TGFBR3: variants seen among roughly 807,000 people sequenced by gnomAD.
The protein encoded by TGFBR3 is transforming growth factor beta receptor type 3.
TGFBR3 carries 46 observed loss-of-function variants against 87.9 expected under a neutral mutation model. The ratio of observed to expected loss-of-function variants is 0.52; its 90% CI spans 0.41 to 0.67. The LOEUF (loss-of-function observed/expected upper bound fraction) is 0.67, where lower values mean the gene tolerates loss of function less well. Among genes scored for constraint, TGFBR3 ranks in the 30% least tolerant of loss-of-function variants. TGFBR3 has a pLI of 0.00. For missense variants in TGFBR3, 866 were observed against 1,041.9 expected (o/e 0.83, Z 2.32); for synonymous variants, 381 against 391.6 (o/e 0.97, Z 0.32).
intron 12 of TGFBR3, among the ~76,000 whole-genome samples, chr1:91,713,657 G>C (rs1244411303): frequency 1.3e-5 from 2 of 152,212 alleles, no homozygotes; most frequent in African/African-American, 2.4e-5. Flanking sequence ...TGTTGTGAAA[G>C]ATTCCTACGT....
intron 2 of TGFBR3, among the ~76,000 whole-genome samples, chr1:91,897,382 T>C (rs772790639): frequency 6.6e-6 from 1 of 152,252 alleles, no homozygotes; most frequent in Non-Finnish European, 1.5e-5. Context: ...AAGGTTTTGT[T>C]ATCTTTGGGA....
At chr1:91,900,695 A>C (rs927442354) in intron 1 of TGFBR3, among the ~76,000 whole-genome samples, 17 of 152,236 alleles carry the variant, frequency 1.1e-4, no homozygotes, top group African/African-American at 3.9e-4. Flanking sequence ...ACAGTCTTGC[A>C]TAATCCACAA....
At chr1:91,856,948 G>A (rs773419736) in intron 2 of TGFBR3, among the ~76,000 whole-genome samples, 1 of 152,190 alleles carries the variant, frequency 6.6e-6, no homozygotes. Flanking sequence ...CCACTTATTA[G>A]TTCCAGGACT....
At chr1:91,773,941 G>C (rs1375331037) in intron 3 of TGFBR3, among the ~76,000 whole-genome samples, 1 of 152,132 alleles carries the variant, frequency 6.6e-6, no homozygotes, top group Non-Finnish European at 1.5e-5. Context: ...GAGTTTCTTT[G>C]CTTTCCTTAA....
chr1:91,795,868 G>A (rs1457487408), intron 3 of TGFBR3, among the ~76,000 whole-genome samples: 1 of 152,172 alleles, frequency 6.6e-6, no homozygotes, highest in African/African-American at 2.4e-5. Context: ...TTCCAATGTT[G>A]CTGGAAAGGT....
At chr1:91,843,983 ACT>A (rs1448107125) in intron 2 of TGFBR3, among the ~76,000 whole-genome samples, 1 of 152,050 alleles carries the variant, frequency 6.6e-6, no homozygotes, top group South Asian at 2.1e-4. Context: ...CACTGGAGTG[ACT>A]CTGTTCCAGC....
intron 15 of TGFBR3, among the ~76,000 whole-genome samples, chr1:91,697,126 T>C (rs1024992478): frequency 7.9e-5 from 12 of 152,204 alleles, no homozygotes; most frequent in Admixed American, 7.9e-4. Context: ...TCCTTAAAAC[T>C]GATATTAGAA....
At position 91,682,870 on chromosome 1, in the gene TGFBR3, CTG is replaced by C. The variant is rs1277137357; in HGVS notation, c.*867_*868del. 2.2e-6 allele frequency: 1 copy of C among 452,892 alleles called. No individual in the cohort carries two copies. The highest frequency in any genetic ancestry group is 4.4e-6 in the Non-Finnish European group (1 of 225,714). The allele number at this position is 452,892 out of a possible 1,614,324, so 28.1% of individuals were successfully genotyped here. ...CTTGCATACACATAGAAATATATCA[CTG>C]TGCAAATTCGTCCTTGACTTTATAA... On this transcript the variant is annotated 3_prime_UTR_variant, in exon 17 of 17. Coordinates refer to ENST00000212355, the MANE Select transcript of TGFBR3 (RefSeq NM_003243.5).
At chr1:91,902,146 A>G (rs1173818895) in intron 1 of TGFBR3, among the ~76,000 whole-genome samples, 1 of 152,142 alleles carries the variant, frequency 6.6e-6, no homozygotes, top group African/African-American at 2.4e-5. Context: ...CCAAAGACAT[A>G]TGTTTAATAA....
chr1:91,838,608 G>A (rs997418997), intron 2 of TGFBR3, among the ~76,000 whole-genome samples: 5 of 149,598 alleles, frequency 3.3e-5, no homozygotes, highest in South Asian at 2.1e-4. Context: ...ACAGGCACCC[G>A]TCATCACACC....
At chr1:91,761,647 C>T (rs1373096823) in intron 3 of TGFBR3, among the ~76,000 whole-genome samples, 1 of 151,862 alleles carries the variant, frequency 6.6e-6, no homozygotes, top group African/African-American at 2.4e-5. Context: ...AAAGGACAAC[C>T]AAAACAGCTA....
intron 10 of TGFBR3, 27 bp from the exon 11 acceptor site, chr1:91,716,735 TG>T: frequency 6.2e-7 from 1 of 1,613,956 alleles, no homozygotes; most frequent in Non-Finnish European, 8.5e-7. Context: ...GCACAGCCAA[TG>T]TTATAAAAAC....
intron 1 of TGFBR3, among the ~76,000 whole-genome samples, chr1:91,866,206 CTCTA>C (rs1417325522): frequency 2.6e-5 from 4 of 152,264 alleles, no homozygotes; most frequent in Admixed American, 2.6e-4. Flanking sequence ...AGAAATCTTG[CTCTA>C]TCTAAGAGAA....
intron 12 of TGFBR3, among the ~76,000 whole-genome samples, chr1:91,714,026 G>C (rs767493604): frequency 1.2e-4 from 18 of 149,736 alleles, no homozygotes; most frequent in Admixed American, 6.7e-4. Context: ...TGTATATATA[G>C]TTTATATATA....
At chr1:91,770,378 A>G (rs997986624) in intron 3 of TGFBR3, among the ~76,000 whole-genome samples, 1 of 152,234 alleles carries the variant, frequency 6.6e-6, no homozygotes, top group African/African-American at 2.4e-5. Context: ...CACCTGTTCT[A>G]GTCTCTGATC....
upstream of TGFBR3, among the ~76,000 whole-genome samples, chr1:91,887,291 G>C (rs1679351903): frequency 8.2e-6 from 1 of 122,312 alleles, no homozygotes. Flanking sequence ...TGTCGCCCAG[G>C]CTGGAGTGCA....
intron 3 of TGFBR3, among the ~76,000 whole-genome samples, chr1:91,792,679 C>A (rs1181141274): frequency 6.6e-6 from 1 of 152,090 alleles, no homozygotes; most frequent in Non-Finnish European, 1.5e-5. Context: ...GTGCTGTAAC[C>A]CCTCTCAGGA....
At chr1:91,722,437 T>C (rs533495801) in intron 7 of TGFBR3, among the ~76,000 whole-genome samples, 1 of 152,202 alleles carries the variant, frequency 6.6e-6, no homozygotes, top group South Asian at 2.1e-4. Context: ...AGTCTATAAC[T>C]GTACAGTTAG....
At chr1:91,856,022 T>G (rs985682544) in intron 2 of TGFBR3, among the ~76,000 whole-genome samples, 2 of 151,996 alleles carry the variant, frequency 1.3e-5, no homozygotes, top group Non-Finnish European at 2.9e-5. Flanking sequence ...TCCTCAACAG[T>G]GCTATATGAT....
Sources: allele counts gnomAD v4.1 joint callset (sites outside exome capture counted in the v4.1 genomes callset), GRCh38; gene constraint gnomAD v4.1.1; transcripts MANE v1.5; gene names NCBI Gene and HGNC (gene_info 2026-07-23, HGNC 2026-07-21).